TRIM36: variants seen among roughly 807,000 people sequenced by gnomAD.
TRIM36 encodes the protein tripartite motif containing 36.
Under a neutral mutation model 72.4 loss-of-function variants are expected in TRIM36, and 42 were observed. The observed-to-expected ratio is 0.58, with a 90% confidence interval of 0.45 to 0.75. The LOEUF is 0.75. Ranked by LOEUF, TRIM36 falls within the 30% of genes least tolerant of loss-of-function variation. TRIM36 has a pLI of 0.00. For missense variants in TRIM36, 913 were observed against 857.1 expected (o/e 1.07, Z -0.81); for synonymous variants, 315 against 282.8 (o/e 1.11, Z -1.14).
rs1039175022 is a variant in TRIM36, at chr5:115,137,630, G to A, written c.832-14C>T. 5 of 1,573,778 alleles carry A rather than the reference G, an allele frequency of 3.2e-6. No homozygotes were observed. The highest frequency in any genetic ancestry group is 4.3e-6 in the Non-Finnish European group (5 of 1,164,838). On this transcript the variant is annotated splice_polypyrimidine_tract_variant and intron_variant, in intron 5 of 9. Coordinates refer to ENST00000513154, the MANE Select transcript of TRIM36 (RefSeq NM_001300759.2). ...CTCTCCATTACACTAAGAAAAAACA[G>A]TATCTCCATTACACTAAGATAAAAC...
intron 4 of TRIM36, 27 bp from the exon 5 acceptor site, chr5:115,141,401 TAGACAAAACGGGAGTTTAGCAAAGAC>T: frequency 6.6e-7 from 1 of 1,525,574 alleles, no homozygotes; most frequent in African/African-American, 1.4e-5. Flanking sequence ...GTAACACAAA[TAGACAAAACGGGAGTTTAGCAAAGAC>T]TTTGCAGAAT....
At chr5:115,179,989 T>A in exon 1 of TRIM36, 1 of 1,614,100 alleles carries the variant, frequency 6.2e-7, no homozygotes, top group Non-Finnish European at 8.5e-7. Flanking sequence ...CCTTTAGCTA[T>A]CAATTCCATG....
At chr5:115,154,109 G>C (rs1754037476) in intron 2 of TRIM36, among the ~76,000 whole-genome samples, 1 of 151,366 alleles carries the variant, frequency 6.6e-6, no homozygotes, top group South Asian at 2.1e-4. Context: ...ATGAAATTAA[G>C]ATGAAATTTA....
intron 2 of TRIM36, among the ~76,000 whole-genome samples, chr5:115,161,202 AAAAAG>A (rs1190885833): frequency 6.6e-6 from 1 of 152,126 alleles, no homozygotes; most frequent in Non-Finnish European, 1.5e-5. Context: ...CTTTAAAAAA[AAAAAG>A]AAAAGAAAGT....
chr5:115,146,940 C>G, intron 3 of TRIM36, 129 bp downstream of exon 3: 1 of 1,018,770 alleles, frequency 9.8e-7, no homozygotes, highest in Non-Finnish European at 1.4e-6. Flanking sequence ...AGTTCTTATA[C>G]CTGCTTTTAA....
intron 1 of TRIM36, among the ~76,000 whole-genome samples, chr5:115,179,133 G>C (rs2126964299): frequency 6.6e-6 from 1 of 152,320 alleles, no homozygotes; most frequent in East Asian, 1.9e-4. Context: ...GAGTTCCGGA[G>C]GGCAGTGCAC....
At chr5:115,127,696 T>C (rs1055195116) in intron 9 of TRIM36, among the ~76,000 whole-genome samples, 2 of 152,256 alleles carry the variant, frequency 1.3e-5, no homozygotes. Context: ...CATAAAAGTG[T>C]AACACATACA....
Position 115,179,988 on chromosome 5 carries a change from A to C in TRIM36, c.50T>G (p.Ile17Arg). The change falls in exon 1 of 10, where the codon ATA becomes AGA. Residue 17 changes from isoleucine (I) to arginine (R), a missense_variant. By Grantham distance (97) the Ile-to-Arg change is moderately conservative. Coordinates refer to the TRIM36 transcript ENST00000282369. Reference sequence around the variant, plus strand: ...CTCATCACTTACCTTGCCTTTAGCTATCAATTCCATGATGTAGCCAAATTC... The same window carrying C: ...CTCATCACTTACCTTGCCTTTAGCTCTCAATTCCATGATGTAGCCAAATTC... 3 of 1,614,056 alleles carry C rather than the reference A, an allele frequency of 1.9e-6. No homozygotes were observed. In the South Asian group the frequency reaches 3.3e-5, roughly 18 times the overall value.
In TRIM36 at chr5:115,179,883, G is replaced by A. The variant is rs368383938; in HGVS notation, c.63+92C>T. The A allele has an allele frequency of 7.8e-6, 10 of 1,277,854 alleles. No homozygotes were observed. In the East Asian group the frequency reaches 1.5e-4, roughly 19 times the overall value. The allele number at this position is 1,277,854 out of a possible 1,614,324, so 79.2% of individuals were successfully genotyped here. A position where few individuals can be genotyped will look rare whatever the true frequency, so the allele number is the denominator to read the frequency against. ...GATTCCAGCCTCCCGCCCTTCCCAG[G>A]CGCTGGAATGGACACGGACGCCCAC... is the stretch of plus-strand genomic sequence containing the variant. On this transcript the variant is annotated intron_variant, in intron 1 of 9. Coordinates refer to the TRIM36 transcript ENST00000282369.
chr5:115,131,835 TAG>T (rs939999621), intron 8 of TRIM36, among the ~76,000 whole-genome samples: 3 of 152,254 alleles, frequency 2.0e-5, no homozygotes, highest in Admixed American at 2.0e-4. Flanking sequence ...GGCACATTCA[TAG>T]AGACAGAAAT....
At chr5:115,150,780 T>C (rs555339892) in intron 2 of TRIM36, among the ~76,000 whole-genome samples, 11 of 152,290 alleles carry the variant, frequency 7.2e-5, no homozygotes, top group Admixed American at 2.6e-4. Flanking sequence ...CTGGGGAAAC[T>C]GAAGACCTGG....
At position 115,145,967 on chromosome 5, in the gene TRIM36, T is replaced by C. The variant is rs115423021; in HGVS notation, c.588+1102A>G. 9.2e-3 allele frequency among the ~76,000 whole-genome samples: 1,408 copies of C among 152,326 alleles called. 8 individuals carry two copies. Among genetic ancestry groups the C allele is most frequent in the Middle Eastern group, 0.017 (5 of 294 alleles). On this transcript the variant is annotated intron_variant, in intron 3 of 9. Coordinates refer to ENST00000513154, the MANE Select transcript of TRIM36 (RefSeq NM_001300759.2). Reference sequence around the variant, plus strand: ...GACACCGTTTTAGAATTTTACTATATTGAGTAGCACTAACTACTTGAAAAA... The same window carrying C: ...GACACCGTTTTAGAATTTTACTATACTGAGTAGCACTAACTACTTGAAAAA...
chr5:115,137,281 A>G (rs541041880), intron 6 of TRIM36, 82 bp downstream of exon 6: 2 of 1,521,198 alleles, frequency 1.3e-6, no homozygotes, highest in Non-Finnish European at 1.8e-6. Context: ...ATTATGGACC[A>G]ATCAGAGCTA....
intron 9 of TRIM36, 51 bp downstream of exon 9, chr5:115,130,541 C>G (rs759473505): frequency 1.3e-6 from 2 of 1,537,632 alleles, no homozygotes; most frequent in South Asian, 1.3e-5. Flanking sequence ...AATCTATTTT[C>G]AGGCTTACTT....
At chr5:115,172,952 T>C (rs1223134008), upstream of TRIM36, among the ~76,000 whole-genome samples, 1 of 152,236 alleles carries the variant, frequency 6.6e-6, no homozygotes, top group Non-Finnish European at 1.5e-5. Context: ...GTACATGTTA[T>C]AGTTCTAAAA....
intron 2 of TRIM36, 141 bp from the exon 3 acceptor site, chr5:115,147,535 T>C (rs1753659930): frequency 2.9e-6 from 3 of 1,045,034 alleles, no homozygotes; most frequent in East Asian, 2.6e-5. Flanking sequence ...GAAATTTGTA[T>C]TGTGAAAATG....
At chr5:115,143,097 C>G (rs1196211198) in intron 4 of TRIM36, among the ~76,000 whole-genome samples, 1 of 151,778 alleles carries the variant, frequency 6.6e-6, no homozygotes, top group African/African-American at 2.4e-5. Context: ...TTCAGCAGTC[C>G]TCATCAACTC....
intron 9 of TRIM36, among the ~76,000 whole-genome samples, chr5:115,128,890 T>C (rs1752508026): frequency 6.6e-6 from 1 of 151,902 alleles, no homozygotes; most frequent in African/African-American, 2.4e-5. Context: ...TTTACAGTAG[T>C]GTGCAGCAAT....
chr5:115,169,918 C>A (rs1052070394), upstream of TRIM36: 2 of 1,278,036 alleles, frequency 1.6e-6, no homozygotes, highest in Middle Eastern at 3.0e-4. Flanking sequence ...CGGCTGGGAA[C>A]GGCGCCGCGC....
Sources: gnomAD v4.1 joint callset for allele counts (sites outside exome capture counted in the v4.1 genomes callset) on GRCh38, gnomAD v4.1.1 for gene constraint, MANE v1.5 for transcripts, NCBI Gene and HGNC (gene_info 2026-07-23, HGNC 2026-07-21) for gene names.